The following SLC38A8 variants were observed in gnomAD, a reference collection of about 807,000 sequenced individuals.
The protein encoded by SLC38A8 is solute carrier family 38 member 8.
In SLC38A8, 65 loss-of-function variants were observed where a neutral mutation model predicts 46.0. That is an observed-to-expected ratio of 1.41 (90% CI 1.16 to 1.74). SLC38A8 has a LOEUF of 1.74. SLC38A8 is among the 40% of genes most tolerant of loss of function. The pLI is 0.00. For missense variants in SLC38A8, 998 were observed against 567.9 expected (o/e 1.76, Z -7.70); for synonymous variants, 447 against 243.7 (o/e 1.83, Z -7.77).
At chr16:84,022,655 G>A in intron 7 of SLC38A8, 120 bp downstream of exon 7, 2 of 737,842 alleles carry the variant, frequency 2.7e-6, no homozygotes, top group Non-Finnish European at 4.4e-6. Context: ...TAAATAAGAT[G>A]CTCAAAACAT....
chr16:84,018,478 C>G (rs554096631), intron 7 of SLC38A8, among the ~76,000 whole-genome samples: 1 of 152,192 alleles, frequency 6.6e-6, no homozygotes, highest in South Asian at 2.1e-4. Flanking sequence ...CCTGGCCTCC[C>G]AAAGTGCTGG....
chr16:84,009,786 A>C lies in SLC38A8; in HGVS notation c.1306T>G (p.Ter436GlyextTer33). Residue 436 changes from the stop codon to glycine (G), a stop_lost, in exon 11 of 11, where the codon TGA (stop) becomes GGA (glycine). Transcript: ENST00000299709. The stretch of plus-strand genomic sequence containing the variant: ...TCCTGCCCGGCACTAGCTGCCCATC[A>C]GAACATCTCCCAGACCGCTGCCGCC... ...STAAAVWEMF[*>G] 6.2e-7 allele frequency: 1 copy of C among 1,613,604 alleles called. No homozygotes were observed. The highest frequency in any genetic ancestry group is 8.5e-7 in the Non-Finnish European group (1 of 1,179,740).
intron 1 of SLC38A8, 29 bp from the exon 2 acceptor site, chr16:84,042,188 G>C (rs907121221): frequency 1.3e-6 from 2 of 1,583,868 alleles, no homozygotes; most frequent in South Asian, 2.3e-5. Context: ...TGGAGAGAAA[G>C]CACAGTCTTC....
At chr16:84,041,642 G>A (rs961952402) in intron 2 of SLC38A8, among the ~76,000 whole-genome samples, 1 of 152,158 alleles carries the variant, frequency 6.6e-6, no homozygotes, top group African/African-American at 2.4e-5. Context: ...AAGACCAGCA[G>A]GCAAGAAAGA....
chr16:84,028,935 C>T (rs1457170449), intron 6 of SLC38A8, among the ~76,000 whole-genome samples: 1 of 152,164 alleles, frequency 6.6e-6, no homozygotes, highest in Non-Finnish European at 1.5e-5. Context: ...GGATTCTACA[C>T]ATATAGCCCC....
In SLC38A8 at chr16:84,031,862, C is replaced by G; in HGVS notation, c.632+5G>C. 1.2e-6 allele frequency: 2 copies of G among 1,613,758 alleles called. No individual in the cohort carries two copies. The highest frequency in any genetic ancestry group is 1.7e-6 in the Non-Finnish European group (2 of 1,179,758). ...GGCTGCCGGAAGCTGTTCCCTCAGA[C>G]TTACCTCAGTGAAGGATGGGACTCA... On this transcript the variant is annotated splice_donor_5th_base_variant and intron_variant, in intron 5 of 10. Transcript: ENST00000299709.
rs373477224 is a variant in SLC38A8 at position 84,017,122 on chromosome 16, C to A, written c.953+18G>T. On this transcript the variant is annotated intron_variant, in intron 8 of 10. Transcript: ENST00000299709. Reference sequence around the variant, plus strand: ...GCAGACCATGCTTCACGGTGCCCCCCACTGAGCCAGGCCTCACCTCCCCAG... The same window carrying A: ...GCAGACCATGCTTCACGGTGCCCCCAACTGAGCCAGGCCTCACCTCCCCAG... The A allele has an allele frequency of 5.6e-6, 9 of 1,613,592 alleles. No individual in the cohort carries two copies. The highest frequency in any genetic ancestry group is 4.4e-5 in the South Asian group (4 of 91,012).
intron 2 of SLC38A8, among the ~76,000 whole-genome samples, chr16:84,039,749 A>G (rs1371786418): frequency 9.4e-6 from 1 of 106,040 alleles, no homozygotes; most frequent in Non-Finnish European, 1.8e-5. Flanking sequence ...CCTTCAAAAA[A>G]AAAAAAAAAA....
chr16:84,023,188 C>A (rs368829921), intron 6 of SLC38A8, among the ~76,000 whole-genome samples: 3 of 152,006 alleles, frequency 2.0e-5, no homozygotes, highest in African/African-American at 7.3e-5. Context: ...TACAAACACC[C>A]ACTGCCCCTT....
Position 84,013,952 on chromosome 16 carries a change from C to A in SLC38A8, c.1163-900G>T, listed in dbSNP as rs184962782. On this transcript the variant is annotated intron_variant, in intron 9 of 10. Coordinates refer to ENST00000299709, the MANE Select transcript of SLC38A8 (RefSeq NM_001080442.3). ...GAGGAGCCACGTGGCCACAGCCTCA[C>A]CTCTGAGAAGCTCCACCCAGAGCCT... 5.9e-3 allele frequency among the ~76,000 whole-genome samples: 904 copies of A among 152,050 alleles called. 5 individuals carry two copies. The highest frequency in any genetic ancestry group is 1.0e-2 in the Non-Finnish European group (678 of 67,966).
intron 2 of SLC38A8, among the ~76,000 whole-genome samples, chr16:84,040,210 C>T (rs2085352642): frequency 6.6e-6 from 1 of 152,220 alleles, no homozygotes; most frequent in South Asian, 2.1e-4. Context: ...AGCCCCAACT[C>T]CATCTCCCCG....
chr16:84,032,796 T>C (rs770923144), intron 4 of SLC38A8, among the ~76,000 whole-genome samples: 2 of 152,152 alleles, frequency 1.3e-5, no homozygotes, highest in Non-Finnish European at 2.9e-5. Context: ...GCTTTATTTC[T>C]TCCTAAGTAT....
At chr16:84,035,460 A>G (rs1342585103) in intron 3 of SLC38A8, among the ~76,000 whole-genome samples, 1 of 152,236 alleles carries the variant, frequency 6.6e-6, no homozygotes, top group Non-Finnish European at 1.5e-5. Flanking sequence ...ATGCCAATTA[A>G]AAGTCTAAAC....
At chr16:84,029,306 C>A (rs1376687573) in intron 6 of SLC38A8, among the ~76,000 whole-genome samples, 188 bp downstream of exon 6, 6 of 152,212 alleles carry the variant, frequency 3.9e-5, no homozygotes, top group African/African-American at 1.2e-4. Context: ...TGAGCCCAGA[C>A]ACCAACCCAT....
chr16:84,032,945 T>G (rs71404129), intron 4 of SLC38A8, among the ~76,000 whole-genome samples: 626 of 27,364 alleles, frequency 0.023, 2 homozygotes, highest in Middle Eastern at 0.071. Flanking sequence ...TGTGCATGGG[T>G]GGGTGTGGGT....
At position 84,031,245 on chromosome 16, in the gene SLC38A8, T is replaced by G. The variant is rs1434917926; in HGVS notation, c.632+622A>C. Among the ~76,000 whole-genome samples, 5 of 152,106 alleles carry G rather than the reference T, an allele frequency of 3.3e-5. No homozygotes were observed. The East Asian group carries it at 7.7e-4, about 23-fold the overall frequency. ...ATGTAGAGACAGGGTTTCACCATGT[T>G]GGCAAGGTTGGTTTTGAACTCCTGA... On this transcript the variant is annotated intron_variant, in intron 5 of 10. Transcript: ENST00000299709.
rs2085246979 is a variant in SLC38A8 at position 84,032,081 on chromosome 16, C to T, written c.531-113G>A. The stretch of plus-strand genomic sequence containing the variant: ...CCGCCCTTGACAATGAGGTGCTGGC[C>T]AAGCTGTCCACCTCTGCCTCACCAT... On this transcript the variant is annotated intron_variant, in intron 4 of 10. Transcript: ENST00000299709. 5.6e-6 allele frequency: 5 copies of T among 888,862 alleles called. No homozygotes were observed. The Admixed American group carries it at 8.3e-5, about 15-fold the overall frequency. The allele number at this position is 888,862 out of a possible 1,614,324, so 55.1% of individuals were successfully genotyped here.
chr16:84,043,179 G>C (rs546072416), upstream of SLC38A8, among the ~76,000 whole-genome samples: 1 of 152,308 alleles, frequency 6.6e-6, no homozygotes, highest in South Asian at 2.1e-4. Context: ...CACCTGAGAC[G>C]GGGCTTGTTG....
chr16:84,041,889 G>A (rs190440452), intron 2 of SLC38A8, 80 bp downstream of exon 2: 4 of 1,309,908 alleles, frequency 3.1e-6, no homozygotes, highest in African/African-American at 1.5e-5. Flanking sequence ...CAACTCCGCA[G>A]AAGCAATGCG....
Sources: gnomAD v4.1 joint callset for allele counts (sites outside exome capture counted in the v4.1 genomes callset) on GRCh38, gnomAD v4.1.1 for gene constraint, MANE v1.5 for transcripts, NCBI Gene and HGNC (gene_info 2026-07-23, HGNC 2026-07-21) for gene names.